The following PTBP2 variants were observed in gnomAD, a reference collection of about 807,000 sequenced individuals.
The protein encoded by PTBP2 is polypyrimidine tract-binding protein 2.
In PTBP2, 13 loss-of-function variants were observed where a neutral mutation model predicts 61.4. That is an observed-to-expected ratio of 0.21 (90% CI 0.14 to 0.34). The LOEUF (loss-of-function observed/expected upper bound fraction) is 0.34. Among genes scored for constraint, PTBP2 ranks in the 10% least tolerant of loss-of-function variants. PTBP2 has a pLI of 1.00. For missense variants in PTBP2, 405 were observed against 642.6 expected, an observed-to-expected ratio of 0.63 and a Z score of 4.00; for synonymous variants, 215 against 218.5, an observed-to-expected ratio of 0.98 and a Z score of 0.14.
intron 2 of PTBP2, among the ~76,000 whole-genome samples, chr1:96,748,967 T>C (rs1654187059): frequency 6.6e-6 from 1 of 152,178 alleles, no homozygotes; most frequent in Admixed American, 6.5e-5. Flanking sequence ...TTTGTAAAAA[T>C]ACTCCAGTAA....
rs1661609633 is a variant in PTBP2, at chr1:96,807,490, AT to A, written c.1171+533del. Among the ~76,000 whole-genome samples, 7 of 152,340 alleles carry A rather than the reference AT, an allele frequency of 4.6e-5. No homozygotes were observed. In the South Asian group the frequency reaches 1.2e-3, roughly 27 times the overall value. The stretch of plus-strand genomic sequence containing the variant: ...GTAATTGATTATTTTAATTAAACTT[AT>A]GTCGTTTGACTTCATACATCCTCGA... On this transcript the variant is annotated intron_variant, in intron 11 of 13. Transcript: ENST00000674951.
At chr1:96,764,548 T>C (rs2100986822) in intron 3 of PTBP2, among the ~76,000 whole-genome samples, 1 of 152,352 alleles carries the variant, frequency 6.6e-6, no homozygotes, top group African/African-American at 2.4e-5. Flanking sequence ...TTGCTAAACA[T>C]GACATTTTGC....
At chr1:96,789,942 A>C (rs2101094877) in intron 8 of PTBP2, among the ~76,000 whole-genome samples, 1 of 152,284 alleles carries the variant, frequency 6.6e-6, no homozygotes, top group Non-Finnish European at 1.5e-5. Flanking sequence ...ATGTCCTCAA[A>C]TACCCAGCTT....
intron 3 of PTBP2, among the ~76,000 whole-genome samples, chr1:96,761,713 G>A (rs901394130): frequency 1.6e-4 from 24 of 151,690 alleles, no homozygotes; most frequent in Admixed American, 2.6e-4. Context: ...AGAATAATCC[G>A]CTACTGTTCT....
chr1:96,809,420 C>G (rs1553188966), intron 11 of PTBP2, among the ~76,000 whole-genome samples: 2 of 152,098 alleles, frequency 1.3e-5, no homozygotes, highest in Non-Finnish European at 2.9e-5. Context: ...CTCTATTGCA[C>G]AAGTAAGTTA....
chr1:96,739,440 A>G (rs1366372433), intron 2 of PTBP2, among the ~76,000 whole-genome samples: 1 of 152,062 alleles, frequency 6.6e-6, no homozygotes, highest in African/African-American at 2.4e-5. Flanking sequence ...CTGAAACTCT[A>G]TACTGATTTT....
At chr1:96,754,585 C>G (rs530014594) in intron 3 of PTBP2, among the ~76,000 whole-genome samples, 1 of 152,216 alleles carries the variant, frequency 6.6e-6, no homozygotes, top group South Asian at 2.1e-4. Context: ...AAAATTGGAG[C>G]ATTGACTACC....
downstream of PTBP2, chr1:96,818,087 TA>T (rs1426530431): frequency 1.1e-4 from 16 of 152,196 alleles, no homozygotes; most frequent in African/African-American, 3.6e-4. Context: ...GTAAGGTCCT[TA>T]AATACAAACA....
At chr1:96,795,116 T>A (rs1173698005) in intron 8 of PTBP2, among the ~76,000 whole-genome samples, 1 of 152,162 alleles carries the variant, frequency 6.6e-6, no homozygotes, top group Non-Finnish European at 1.5e-5. Context: ...GAACCACTGC[T>A]GTGAAGGATT....
intron 8 of PTBP2, among the ~76,000 whole-genome samples, chr1:96,802,298 G>C (rs1422894371): frequency 2.0e-5 from 3 of 150,190 alleles, no homozygotes; most frequent in Non-Finnish European, 4.4e-5. Flanking sequence ...GGGGAGCTGA[G>C]ACCAAAAAGT....
At chr1:96,795,096 G>C (rs1660240709) in intron 8 of PTBP2, among the ~76,000 whole-genome samples, 1 of 152,134 alleles carries the variant, frequency 6.6e-6, no homozygotes. Context: ...GAAAGCGGGG[G>C]ATGAGTTAAG....
At position 96,804,849 on chromosome 1, in the gene PTBP2, A is replaced by AGCTGCTGCAGCT. The variant is rs1661351832; in HGVS notation, c.962_973dup (p.Ala321_Ala324dup). 2 of 1,610,860 alleles carry AGCTGCTGCAGCT rather than the reference A, an allele frequency of 1.2e-6. No individual in the cohort carries two copies. Among genetic ancestry groups the AGCTGCTGCAGCT allele is most frequent in the Non-Finnish European group, 1.7e-6 (2 of 1,177,840 alleles). On this transcript the variant is annotated inframe_insertion, in exon 9 of 14. Coordinates refer to ENST00000674951, the MANE Select transcript of PTBP2 (RefSeq NM_021190.4). ...TGGCCATTCCAAATGCTGCTGCAGC[A>AGCTGCTGCAGCT]GCTGCTGCAGCTGCTGCTGGCCGAG...
chr1:96,779,260 A>G (rs1658384968), intron 7 of PTBP2, among the ~76,000 whole-genome samples: 1 of 152,066 alleles, frequency 6.6e-6, no homozygotes, highest in Non-Finnish European at 1.5e-5. Flanking sequence ...GGTTTTATGA[A>G]TAGGAGACAA....
At chr1:96,818,499 C>G (rs1006519724), downstream of PTBP2, 2 of 152,138 alleles carry the variant, frequency 1.3e-5, no homozygotes, top group African/African-American at 4.8e-5. Context: ...CTGGTCAATA[C>G]TACTTTTCTT....
At chr1:96,785,286 C>T (rs1249735255) in intron 8 of PTBP2, 32 bp downstream of exon 8, 14 of 1,475,648 alleles carry the variant, frequency 9.5e-6, no homozygotes, top group Non-Finnish European at 1.3e-5. Context: ...CCACTTTTCT[C>T]CCATTTTGCC....
chr1:96,764,050 C>G (rs1340782868), intron 3 of PTBP2, among the ~76,000 whole-genome samples: 1 of 152,198 alleles, frequency 6.6e-6, no homozygotes, highest in African/African-American at 2.4e-5. Flanking sequence ...CAGCTTCCAG[C>G]TTTATCTAAA....
chr1:96,746,063 C>T (rs1319133264), intron 2 of PTBP2, among the ~76,000 whole-genome samples: 2 of 134,496 alleles, frequency 1.5e-5, no homozygotes, highest in Non-Finnish European at 3.2e-5. Flanking sequence ...GAGACTCCAT[C>T]TCAAAAACAA....
intron 8 of PTBP2, among the ~76,000 whole-genome samples, chr1:96,802,770 T>C (rs1661149969): frequency 6.6e-6 from 1 of 152,234 alleles, no homozygotes; most frequent in Non-Finnish European, 1.5e-5. Flanking sequence ...TTTAAGATAC[T>C]GTTTTTCCTA....
At position 96,813,324 on chromosome 1, in the gene PTBP2, T is replaced by C; in HGVS notation, c.1515T>C (p.Ile505=). The C allele has an allele frequency of 6.2e-7, 1 of 1,609,532 alleles. No individual in the cohort carries two copies. The highest frequency in any genetic ancestry group is 8.5e-7 in the Non-Finnish European group (1 of 1,178,136). The change falls in exon 14 of 14, where the codon ATT becomes ATC. Residue 505 remains isoleucine (I), a synonymous_variant. Coordinates refer to ENST00000674951, the MANE Select transcript of PTBP2 (RefSeq NM_021190.4). The part of the protein sequence containing the change: ...LLQMATVEEA[I]QALIDLHNYN... ...AGATGGCAACAGTGGAAGAAGCTAT[T>C]CAGGCCTTGATTGATCTTCATAATT...
Sources: gnomAD v4.1 joint callset for allele counts (sites outside exome capture counted in the v4.1 genomes callset) on GRCh38, gnomAD v4.1.1 for gene constraint, MANE v1.5 for transcripts, NCBI Gene and HGNC (gene_info 2026-07-23, HGNC 2026-07-21) for gene names.